Variants in FGGY observed in about 807,000 individuals in gnomAD.
The protein encoded by FGGY is FGGY carbohydrate kinase domain-containing protein.
Under a neutral mutation model 71.3 loss-of-function variants are expected in FGGY, and 72 were observed. That is an observed-to-expected ratio of 1.01 (90% CI 0.84 to 1.23). FGGY has a LOEUF of 1.23. Ranked by LOEUF, FGGY falls within the 50% of genes most tolerant of loss-of-function variation. FGGY has a pLI of 0.00. For missense variants in FGGY, 668 were observed against 682.3 expected, an observed-to-expected ratio of 0.98 and a Z score of 0.23; for synonymous variants, 251 against 250.3, an observed-to-expected ratio of 1.00 and a Z score of -0.02.
At chr1:59,302,708 A>G (rs1051885413) in intron 1 of FGGY, among the ~76,000 whole-genome samples, 1 of 145,746 alleles carries the variant, frequency 6.9e-6, no homozygotes, top group Non-Finnish European at 1.5e-5. Context: ...AGAGGATTAG[A>G]AAAAAAAATA....
chr1:59,658,266 T>G (rs913898270), intron 11 of FGGY, among the ~76,000 whole-genome samples: 1 of 152,180 alleles, frequency 6.6e-6, no homozygotes, highest in African/African-American at 2.4e-5. Flanking sequence ...TTGTTCATGT[T>G]CTCTCTGAGT....
intron 6 of FGGY, among the ~76,000 whole-genome samples, chr1:59,458,439 G>A (rs2091913446): frequency 2.0e-5 from 3 of 152,276 alleles, no homozygotes; most frequent in East Asian, 1.9e-4. Context: ...TTAAAAATCT[G>A]TAATGATATT....
chr1:59,579,396 A>G (rs1326086644), intron 8 of FGGY, among the ~76,000 whole-genome samples: 3 of 152,068 alleles, frequency 2.0e-5, no homozygotes, highest in Non-Finnish European at 4.4e-5. Context: ...CCTGACCCTG[A>G]TATCCTAATA....
chr1:59,607,076 C>T (rs1239092484), intron 8 of FGGY, among the ~76,000 whole-genome samples: 6 of 152,146 alleles, frequency 3.9e-5, no homozygotes, highest in Non-Finnish European at 8.8e-5. Context: ...AAATAGAAAA[C>T]CTTAGTGACA....
chr1:59,626,969 G>A (rs992820061), intron 10 of FGGY: 1 of 152,094 alleles, frequency 6.6e-6, no homozygotes, highest in Non-Finnish European at 1.5e-5. Flanking sequence ...ATGGTAGTAG[G>A]AAGAAATGAC....
chr1:59,757,539 A>G (rs927078205), intron 14 of FGGY, among the ~76,000 whole-genome samples: 5 of 152,168 alleles, frequency 3.3e-5, no homozygotes, highest in Admixed American at 3.3e-4. Context: ...TCTTTAGGGA[A>G]GTAGACAATG....
intron 8 of FGGY, among the ~76,000 whole-genome samples, chr1:59,602,028 G>T (rs1171906672): frequency 1.3e-5 from 2 of 152,230 alleles, no homozygotes; most frequent in African/African-American, 4.8e-5. Context: ...GGCAGAGTCT[G>T]TGTTGAAATA....
At chr1:59,653,932 C>T (rs1268952344) in intron 11 of FGGY, among the ~76,000 whole-genome samples, 1 of 152,192 alleles carries the variant, frequency 6.6e-6, no homozygotes, top group East Asian at 1.9e-4. Flanking sequence ...TTTAAGAGCT[C>T]CTGTGATTAC....
In FGGY at chr1:59,405,606, T is replaced by A. The variant is rs1019300007; in HGVS notation, c.554+26769T>A. On this transcript the variant is annotated intron_variant, in intron 5 of 15. Transcript: ENST00000303721. ...ATCGAATGAGCATAAAATAAGATTT[T>A]TTTTTAGAGATGGATGGGGAAGGTG... Among the ~76,000 whole-genome samples, 6 of 152,316 alleles carry A rather than the reference T, an allele frequency of 3.9e-5. No individual in the cohort carries two copies. The East Asian group carries it at 1.2e-3, about 29-fold the overall frequency.
chr1:59,327,355 C>T (rs1283250694), intron 2 of FGGY, among the ~76,000 whole-genome samples: 2 of 152,234 alleles, frequency 1.3e-5, no homozygotes, highest in Non-Finnish European at 2.9e-5. Flanking sequence ...TAGATTCCAT[C>T]TCAAGAAATC....
At chr1:59,565,999 C>A (rs181572625) in intron 8 of FGGY, among the ~76,000 whole-genome samples, 18 of 152,276 alleles carry the variant, frequency 1.2e-4, no homozygotes, top group African/African-American at 3.9e-4. Context: ...TGAAGACATG[C>A]GGCTGACTTC....
At chr1:59,607,978 T>A in intron 9 of FGGY, 68 bp downstream of exon 9, 2 of 1,299,848 alleles carry the variant, frequency 1.5e-6, no homozygotes, top group African/African-American at 1.5e-5. Context: ...TTTTGTCACA[T>A]GACCCATATA....
intron 5 of FGGY, among the ~76,000 whole-genome samples, chr1:59,418,600 G>A (rs2064881314): frequency 6.6e-6 from 1 of 152,324 alleles, no homozygotes. Flanking sequence ...GAAAAGAGGA[G>A]TGGGGGAAAG....
chr1:59,370,953 T>C (rs1483581286), intron 4 of FGGY, among the ~76,000 whole-genome samples: 1 of 151,894 alleles, frequency 6.6e-6, no homozygotes, highest in Non-Finnish European at 1.5e-5. Context: ...TGCAAAATCA[T>C]GGCAAAATGT....
chr1:59,570,346 A>G (rs1267581847), intron 8 of FGGY, among the ~76,000 whole-genome samples: 1 of 152,214 alleles, frequency 6.6e-6, no homozygotes, highest in Non-Finnish European at 1.5e-5. Flanking sequence ...CTTGATGAAT[A>G]TAAGAGTGAA....
chr1:59,443,291 A>C (rs2070396649), intron 5 of FGGY, among the ~76,000 whole-genome samples: 1 of 152,214 alleles, frequency 6.6e-6, no homozygotes, highest in Non-Finnish European at 1.5e-5. Flanking sequence ...AAGGGCCCTA[A>C]TAGCCAAAAA....
chr1:59,524,641 A>G (rs2094927326), intron 7 of FGGY, among the ~76,000 whole-genome samples: 1 of 152,058 alleles, frequency 6.6e-6, no homozygotes, highest in Admixed American at 6.5e-5. Context: ...TTCTCCACCC[A>G]TTGGGATGAC....
chr1:59,521,753 G>A (rs1235497400), intron 7 of FGGY, among the ~76,000 whole-genome samples: 1 of 152,090 alleles, frequency 6.6e-6, no homozygotes, highest in African/African-American at 2.4e-5. Flanking sequence ...CATCAGCCAG[G>A]GTCCCCGCCC....
At chr1:59,426,873 A>C (rs1242570941) in intron 5 of FGGY, among the ~76,000 whole-genome samples, 2 of 150,412 alleles carry the variant, frequency 1.3e-5, no homozygotes, top group African/African-American at 2.5e-5. Flanking sequence ...AAAAAAAAAA[A>C]CTGGTTGCCT....
Sources: gnomAD v4.1 joint callset for allele counts (sites outside exome capture counted in the v4.1 genomes callset) on GRCh38, gnomAD v4.1.1 for gene constraint, MANE v1.5 for transcripts, NCBI Gene and HGNC (gene_info 2026-07-23, HGNC 2026-07-21) for gene names.